GSDME: variants seen among roughly 807,000 people sequenced by gnomAD.
GSDME encodes gasdermin-E.
GSDME carries 44 observed loss-of-function variants against 47.5 expected under a neutral mutation model. The observed-to-expected ratio is 0.93, with a 90% CI of 0.73 to 1.19. The LOEUF (loss-of-function observed/expected upper bound fraction) is 1.19, where lower values mean the gene tolerates loss of function less well. GSDME is among the 50% of genes most tolerant of loss of function. The pLI is 0.00. For synonymous variants in GSDME, 258 were observed against 252.8 expected (o/e 1.02, Z -0.20); for missense variants, 663 against 604.2 (o/e 1.10, Z -1.02).
chr7:24,790,148 T>G, the GSDME span, among the ~76,000 whole-genome samples: 1 of 152,208 alleles, frequency 6.6e-6, no homozygotes, highest in Non-Finnish European at 1.5e-5. This position sits in a 1 kb window ranked among gnomAD's most constrained non-coding sequence, Gnocchi z 4.1. Context: ...CTCCCCCAGC[T>G]GCTAGCAAGT....
intron 3 of GSDME, among the ~76,000 whole-genome samples, chr7:24,730,424 A>G (rs1300979587): frequency 6.6e-6 from 1 of 152,246 alleles, no homozygotes; most frequent in Non-Finnish European, 1.5e-5. Context: ...TTGAAGAAAT[A>G]CAATAATGCC....
At chr7:24,704,091 C>T (rs952389136) in intron 8 of GSDME, 1 of 152,252 alleles carries the variant, frequency 6.6e-6, no homozygotes, top group Non-Finnish European at 1.5e-5. Context: ...AGAACAGCAT[C>T]TGCATTACCG....
chr7:24,749,661 T>C lies in GSDME; in HGVS notation c.114A>G (p.Thr38=), dbSNP rs143403124. The C allele has an allele frequency of 2.8e-5, 46 of 1,614,080 alleles. No homozygotes were observed. The highest frequency in any genetic ancestry group is 3.7e-5 in the Non-Finnish European group (44 of 1,180,042). Residue 38 remains threonine (T), a synonymous_variant, in exon 2 of 10, where the codon ACA becomes ACG. Coordinates refer to ENST00000645220, the MANE Select transcript of GSDME (RefSeq NM_001127453.2). ...GCCAGCACCAGAATCTCTTCTTTTT[T>C]GTCACCAGACTTAGAAGCTGTAACT... ...SDKLQLLSLV[T]KKKRFWCWQR...
intron 1 of GSDME, among the ~76,000 whole-genome samples, chr7:24,752,965 G>T (rs1292577712): frequency 6.6e-6 from 1 of 151,406 alleles, no homozygotes; most frequent in Non-Finnish European, 1.5e-5. Flanking sequence ...CGGTAAAAAA[G>T]AGGAAATTCC....
At chr7:24,741,448 G>C (rs1167972986) in intron 3 of GSDME, among the ~76,000 whole-genome samples, 1 of 152,154 alleles carries the variant, frequency 6.6e-6, no homozygotes, top group South Asian at 2.1e-4. Flanking sequence ...GATCTGCACA[G>C]AGACTGCATT....
At position 24,705,452 on chromosome 7, in the gene GSDME, A is replaced by G. The variant is rs942460984; in HGVS notation, c.1183+732T>C. The G allele has an allele frequency of 2.6e-5, 4 of 154,562 alleles. No individual in the cohort carries two copies. Among genetic ancestry groups the G allele is most frequent in the Admixed American group, 6.3e-5 (1 of 15,798 alleles). The allele number at this position is 154,562 out of a possible 1,614,324, so 9.6% of individuals were successfully genotyped here. On this transcript the variant is annotated intron_variant, in intron 8 of 9. Transcript: ENST00000645220. This position sits in a 1 kb window ranked among gnomAD's most constrained non-coding sequence, Gnocchi z 4.1. The stretch of plus-strand genomic sequence containing the variant: ...AGGAACCCTGAATGTATCAGAAACT[A>G]TGTGTCCTGACTAGTGTCACCATGA...
the GSDME span, among the ~76,000 whole-genome samples, chr7:24,790,714 T>C: frequency 3.3e-5 from 5 of 152,168 alleles, no homozygotes; most frequent in African/African-American, 1.2e-4. This position sits in a 1 kb window ranked among gnomAD's most constrained non-coding sequence, Gnocchi z 4.1. Flanking sequence ...ACTGTGACCA[T>C]AGGGGGCTCA....
At chr7:24,743,504 A>G (rs2128062583) in intron 3 of GSDME, among the ~76,000 whole-genome samples, 1 of 152,320 alleles carries the variant, frequency 6.6e-6, no homozygotes, top group East Asian at 1.9e-4. Flanking sequence ...CTCTTAACTC[A>G]GCAGCCAGAA....
rs2128048751 is a variant in GSDME, at chr7:24,708,131, G to C, written c.986C>G (p.Pro329Arg). ...TTGAGATGTCTCAGGGCTCACCACT[G>C]GTTCCAGGACCATGAGTAGTTCATC... ...FDDELLMVLE[P>R]VCDDLVSGLS... Residue 329 changes from proline (P) to arginine (R), a missense_variant, in exon 7 of 10, where the codon CCA becomes CGA. Transcript: ENST00000645220. The C allele has an allele frequency of 6.2e-7, 1 of 1,614,146 alleles. No homozygotes were observed. The highest frequency in any genetic ancestry group is 8.5e-7 in the Non-Finnish European group (1 of 1,180,030).
rs1466141294 is a variant in GSDME, at chr7:24,706,528, AATCCTTG to A, written c.991-159_991-153del. ...CTCTTCTCTACGTTCTGAAATTGCT[AATCCTTG>A]GTGGCTACATTTCACTGACGGGACA... On this transcript the variant is annotated intron_variant, in intron 7 of 9. Coordinates refer to ENST00000645220, the MANE Select transcript of GSDME (RefSeq NM_001127453.2). 3.9e-6 allele frequency: 3 copies of A among 759,500 alleles called. No individual in the cohort carries two copies. The African/African-American group carries it at 5.3e-5, about 13-fold the overall frequency. 47.0% of individuals were successfully genotyped at this position (759,500 alleles called of 1,614,324 possible).
Position 24,746,843 on chromosome 7 carries a change from A to G in GSDME, c.212-2089T>C, listed in dbSNP as rs115999981. 6.8e-3 allele frequency among the ~76,000 whole-genome samples: 1,032 copies of G among 152,176 alleles called. 11 individuals carry two copies. The highest frequency in any genetic ancestry group is 0.023 in the African/African-American group (974 of 41,522). ...CTGCCAACACCAGTCACCACCCTAC[A>G]CCCTTCACAGCCCTGGGCAACACAT... On this transcript the variant is annotated intron_variant, in intron 2 of 9. Coordinates refer to ENST00000645220, the MANE Select transcript of GSDME (RefSeq NM_001127453.2).
At chr7:24,788,144 T>G in the GSDME span, among the ~76,000 whole-genome samples, 1 of 152,208 alleles carries the variant, frequency 6.6e-6, no homozygotes, top group Non-Finnish European at 1.5e-5. The surrounding 1 kb of genome is among the most constrained non-coding windows in gnomAD (Gnocchi z 4.6). Flanking sequence ...CACTCAGACA[T>G]GAACTATTCT....
Position 24,717,303 on chromosome 7 carries a change from G to C in GSDME, c.648C>G (p.Thr216=), listed in dbSNP as rs778410697. 2 of 1,612,080 alleles carry C rather than the reference G, an allele frequency of 1.2e-6. No individual in the cohort carries two copies. The highest frequency in any genetic ancestry group is 2.2e-5 in the South Asian group (2 of 90,896). Residue 216 remains threonine (T), a synonymous_variant, in exon 5 of 10, where the codon ACC becomes ACG. Transcript: ENST00000645220. The stretch of plus-strand genomic sequence containing the variant: ...ATAACTCAATGACACCGTAGGCAAT[G>C]GTGGTGGCAGCTGGGATCTCCAGCA... ...NVVLEIPAAT[T]IAYGVIELYV... is the part of the protein sequence containing the mutation.
In GSDME at chr7:24,721,364, C is replaced by G. The variant is rs1789778137; in HGVS notation, c.405-2146G>C. Among the ~76,000 whole-genome samples the G allele has an allele frequency of 5.3e-5, 8 of 152,214 alleles. No homozygotes were observed. In the South Asian group the frequency reaches 1.7e-3, roughly 32 times the overall value. On this transcript the variant is annotated intron_variant, in intron 3 of 9. Coordinates refer to ENST00000645220, the MANE Select transcript of GSDME (RefSeq NM_001127453.2). This position sits in a 1 kb window ranked among gnomAD's most constrained non-coding sequence, Gnocchi z 4.1. The stretch of plus-strand genomic sequence containing the variant: ...ACACGTGATAAAAATACATTGATGA[C>G]AACCACAAAGCTGCCGAGAGACTCC...
At chr7:24,699,322 T>A in intron 9 of GSDME, 63 bp from the exon 10 acceptor site, 1 of 1,242,148 alleles carries the variant, frequency 8.1e-7, no homozygotes, top group Non-Finnish European at 1.2e-6. Context: ...CATTGGATAG[T>A]AATGCACTTG....
rs541808883 is a variant in GSDME at position 24,728,317 on chromosome 7, A to T, written c.405-9099T>A. On this transcript the variant is annotated intron_variant, in intron 3 of 9. Coordinates refer to ENST00000645220, the MANE Select transcript of GSDME (RefSeq NM_001127453.2). This position sits in a 1 kb window ranked among gnomAD's most constrained non-coding sequence, Gnocchi z 7.2. ...GGCTGCCACAGGGGCCCACAGAGCC[A>T]CCGAACTGACCTTCTGCCGTTAACC... Among the ~76,000 whole-genome samples the T allele has an allele frequency of 1.2e-4, 19 of 152,208 alleles. No homozygotes were observed. The highest frequency in any genetic ancestry group is 2.4e-4 in the Non-Finnish European group (16 of 68,036).
intron 6 of GSDME, 90 bp downstream of exon 6, chr7:24,710,123 AGTCACTGAGGG>A (rs1368500305): frequency 3.9e-6 from 5 of 1,272,486 alleles, no homozygotes; most frequent in Non-Finnish European, 5.7e-6. Flanking sequence ...GTTTTCTGTG[AGTCACTGAGGG>A]GTCACTGATG....
At position 24,714,794 on chromosome 7, in the gene GSDME, G is replaced by A. The variant is rs1789484505; in HGVS notation, c.697+2460C>T. Among the ~76,000 whole-genome samples, 1 of 152,192 alleles carries A rather than the reference G, an allele frequency of 6.6e-6. No individual in the cohort carries two copies. The highest frequency in any genetic ancestry group is 6.5e-5 in the Admixed American group (1 of 15,280). ...GGTCACCTCCTGGGACAAACAGGAG[G>A]AAGCTCGCATGGGGACCACCACCTA... On this transcript the variant is annotated intron_variant, in intron 5 of 9. Transcript: ENST00000645220. The surrounding 1 kb of genome is among the most constrained non-coding windows in gnomAD (Gnocchi z 5.0).
chr7:24,705,673 T>C lies in GSDME; in HGVS notation c.1183+511A>G, dbSNP rs1789066224. 1 of 230,034 alleles carries C rather than the reference T, an allele frequency of 4.3e-6. No homozygotes were observed. The highest frequency in any genetic ancestry group is 6.6e-5 in the South Asian group (1 of 15,060). The allele number at this position is 230,034 out of a possible 1,614,324, so 14.2% of individuals were successfully genotyped here. A position where few individuals can be genotyped will look rare whatever the true frequency, so the allele number is the denominator to read the frequency against. ...TCAGGACCAGTGCAGAAGCTGTGCATCTGGGCCCAGCCACAGCTCTGCCTC... is the reference window on the plus strand; with the variant it reads ...TCAGGACCAGTGCAGAAGCTGTGCACCTGGGCCCAGCCACAGCTCTGCCTC... On this transcript the variant is annotated intron_variant, in intron 8 of 9. Coordinates refer to ENST00000645220, the MANE Select transcript of GSDME (RefSeq NM_001127453.2). The surrounding 1 kb of genome is among the most constrained non-coding windows in gnomAD (Gnocchi z 4.1).
Sources: allele counts gnomAD v4.1 joint callset (sites outside exome capture counted in the v4.1 genomes callset), GRCh38; gene constraint gnomAD v4.1.1; non-coding constraint Gnocchi (gnomAD v3.1); transcripts MANE v1.5; gene names NCBI Gene and HGNC (gene_info 2026-07-23, HGNC 2026-07-21).